The following MYO1D variants were observed in gnomAD, a reference collection of about 807,000 sequenced individuals.
The protein encoded by MYO1D is myosin ID.
A neutral mutation model predicts 122.0 loss-of-function variants in MYO1D; 83 were observed. The observed-to-expected ratio is 0.68, with a 90% confidence interval of 0.57 to 0.82. MYO1D has a LOEUF of 0.82. Ranked by LOEUF, MYO1D falls within the 40% of genes least tolerant of loss-of-function variation. The pLI is 0.00. For synonymous variants in MYO1D, 464 were observed against 446.9 expected (o/e 1.04, Z -0.48); for missense variants, 1,157 against 1,269.5 (o/e 0.91, Z 1.35).
At chr17:32,842,541 C>A (rs575072496) in intron 1 of MYO1D, among the ~76,000 whole-genome samples, 1 of 152,116 alleles carries the variant, frequency 6.6e-6, no homozygotes, top group Non-Finnish European at 1.5e-5. Context: ...CTCTTTCTCT[C>A]CCCCACTCCT....
chr17:32,653,853 T>C lies in MYO1D; in HGVS notation c.2585A>G (p.His862Arg). The change falls in exon 19 of 22, where the codon CAC becomes CGC. Residue 862 changes from histidine (H) to arginine (R), a missense_variant. By Grantham distance (29) the His-to-Arg change is conservative. Transcript: ENST00000318217. ...DKYMNVLFSC[H>R]VRKVNRFSKV... ...TTAAGCTTGCCTTACCTTACGGACG[T>C]GACAGGAAAAGAGGACATTCATGTA... The C allele has an allele frequency of 6.2e-7, 1 of 1,613,412 alleles. No homozygotes were observed. The highest frequency in any genetic ancestry group is 8.5e-7 in the Non-Finnish European group (1 of 1,179,464).
chr17:32,738,132 C>A (rs1743896363), intron 14 of MYO1D, 121 bp downstream of exon 14: 4 of 856,836 alleles, frequency 4.7e-6, no homozygotes, highest in Non-Finnish European at 6.8e-6. Context: ...ATAACATTCA[C>A]TTTATACATA....
chr17:32,605,271 T>C lies in MYO1D; in HGVS notation c.2710-30A>G, dbSNP rs377204996. ...AAAGAGAAAATGCATGGAAAACTATTTGGATCATTCTCAAAAGAATGAATT... is the reference window on the plus strand; with the variant it reads ...AAAGAGAAAATGCATGGAAAACTATCTGGATCATTCTCAAAAGAATGAATT... On this transcript the variant is annotated intron_variant, in intron 20 of 21. Transcript: ENST00000318217. 83 of 1,535,904 alleles carry C rather than the reference T, an allele frequency of 5.4e-5. No homozygotes were observed. In the African/African-American group the frequency reaches 6.4e-4, roughly 12 times the overall value.
At chr17:32,570,515 C>T (rs542071930) in intron 21 of MYO1D, among the ~76,000 whole-genome samples, 155 of 152,168 alleles carry the variant, frequency 1.0e-3, no homozygotes, top group African/African-American at 3.6e-3. Flanking sequence ...AGGCACCCGC[C>T]ACATTTTTTT....
chr17:32,874,209 T>C (rs1277864962), intron 1 of MYO1D, among the ~76,000 whole-genome samples: 1 of 152,210 alleles, frequency 6.6e-6, no homozygotes, highest in African/African-American at 2.4e-5. Context: ...AATAATCACC[T>C]AAGCTTTATA....
rs945062754 is a variant in MYO1D, at chr17:32,680,880, C to T, written c.2122-21542G>A. Among the ~76,000 whole-genome samples the T allele has an allele frequency of 2.7e-4, 41 of 152,196 alleles. 1 individual carries two copies. Among genetic ancestry groups the T allele is most frequent in the Middle Eastern group, 6.8e-3 (2 of 294 alleles). Reference sequence around the variant, plus strand: ...AATTCGGCTGTGAATCCATCTGGTCCTGGACTCTTTTTGGTTGGTAAACTA... The same window carrying T: ...AATTCGGCTGTGAATCCATCTGGTCTTGGACTCTTTTTGGTTGGTAAACTA... On this transcript the variant is annotated intron_variant, in intron 16 of 21. Coordinates refer to ENST00000318217, the MANE Select transcript of MYO1D (RefSeq NM_015194.3).
chr17:32,569,426 G>A (rs1467850086), intron 21 of MYO1D, among the ~76,000 whole-genome samples: 1 of 152,198 alleles, frequency 6.6e-6, no homozygotes, highest in African/African-American at 2.4e-5. Flanking sequence ...AGACCTGCAT[G>A]ACCAATTCTG....
At chr17:32,665,634 G>C (rs182121137) in intron 16 of MYO1D, among the ~76,000 whole-genome samples, 25 of 152,262 alleles carry the variant, frequency 1.6e-4, no homozygotes, top group Admixed American at 1.6e-3. Flanking sequence ...TTTTTGCACT[G>C]TTCCTTGTAT....
intron 21 of MYO1D, among the ~76,000 whole-genome samples, chr17:32,579,018 C>A (rs1224069426): frequency 6.6e-6 from 1 of 152,186 alleles, no homozygotes; most frequent in Non-Finnish European, 1.5e-5. Context: ...CCACTCTGGA[C>A]TACTCACTGT....
At chr17:32,719,128 C>A (rs375439038) in intron 15 of MYO1D, among the ~76,000 whole-genome samples, 38 of 152,306 alleles carry the variant, frequency 2.5e-4, no homozygotes, top group African/African-American at 8.2e-4. Context: ...TGGTACTGTG[C>A]TTACCTAGAT....
intron 20 of MYO1D, among the ~76,000 whole-genome samples, chr17:32,610,837 T>C (rs556895555): frequency 3.4e-4 from 52 of 152,312 alleles, no homozygotes; most frequent in Non-Finnish European, 6.8e-4. Flanking sequence ...CACTACCTCA[T>C]TGCATTTGGG....
chr17:32,631,600 T>C (rs1203953893), intron 20 of MYO1D, among the ~76,000 whole-genome samples: 4 of 151,698 alleles, frequency 2.6e-5, no homozygotes, highest in East Asian at 1.9e-4. Context: ...TGAGTTATGA[T>C]TGCACAACTG....
At chr17:32,626,155 T>A (rs1299943291) in intron 20 of MYO1D, among the ~76,000 whole-genome samples, 4 of 152,240 alleles carry the variant, frequency 2.6e-5, no homozygotes, top group African/African-American at 9.6e-5. Context: ...AGGCAGAGGC[T>A]ACGTGATGTA....
intron 7 of MYO1D, among the ~76,000 whole-genome samples, chr17:32,766,670 T>C (rs2090061866): frequency 6.6e-6 from 1 of 152,090 alleles, no homozygotes; most frequent in Admixed American, 6.5e-5. Context: ...CAGGCGCCTG[T>C]AGTCCCAGCT....
chr17:32,796,817 T>C (rs771928359), intron 1 of MYO1D, among the ~76,000 whole-genome samples: 47 of 152,220 alleles, frequency 3.1e-4, no homozygotes, highest in Non-Finnish European at 5.7e-4. Context: ...AAATTTATAC[T>C]GGTAGGAAGC....
At chr17:32,817,564 T>A (rs1364495442) in intron 1 of MYO1D, among the ~76,000 whole-genome samples, 1 of 152,192 alleles carries the variant, frequency 6.6e-6, no homozygotes, top group East Asian at 1.9e-4. Flanking sequence ...TATAAAAGCC[T>A]ATACATTTAT....
At chr17:32,552,157 C>T (rs1375912326) in intron 21 of MYO1D, among the ~76,000 whole-genome samples, 3 of 152,222 alleles carry the variant, frequency 2.0e-5, no homozygotes, top group Non-Finnish European at 4.4e-5. Flanking sequence ...CTCACTGCAG[C>T]CTCAGCCTCC....
intron 1 of MYO1D, among the ~76,000 whole-genome samples, chr17:32,867,429 A>G (rs1362554743): frequency 6.6e-6 from 1 of 152,112 alleles, no homozygotes; most frequent in Non-Finnish European, 1.5e-5. Context: ...CAATTAAGCT[A>G]TCCCTCAAAG....
intron 21 of MYO1D, among the ~76,000 whole-genome samples, chr17:32,597,565 C>G (rs190225893): frequency 6.6e-6 from 1 of 151,924 alleles, no homozygotes; most frequent in African/African-American, 2.4e-5. Flanking sequence ...ATATAGTTAT[C>G]CAGTGATAGA....
Sources: allele counts gnomAD v4.1 joint callset (sites outside exome capture counted in the v4.1 genomes callset), GRCh38; gene constraint gnomAD v4.1.1; transcripts MANE v1.5; gene names NCBI Gene and HGNC (gene_info 2026-07-23, HGNC 2026-07-21).